Variants in PDCD6 observed in about 807,000 individuals in gnomAD.
The protein encoded by PDCD6 is programmed cell death 6.
In PDCD6, 12 loss-of-function variants were observed where a neutral mutation model predicts 28.3. The observed-to-expected ratio is 0.42, with a 90% CI of 0.27 to 0.69. The LOEUF is 0.69. PDCD6 is among the 30% of genes least tolerant of loss of function. PDCD6 has a pLI of 0.22. For missense variants in PDCD6, 226 were observed against 269.9 expected (o/e 0.84, Z 1.14); for synonymous variants, 92 against 108.0 (o/e 0.85, Z 0.92).
At chr5:281,554 G>T (rs1172740910) in intron 2 of PDCD6, among the ~76,000 whole-genome samples, 4 of 152,114 alleles carry the variant, frequency 2.6e-5, no homozygotes, top group Admixed American at 2.6e-4. Context: ...TCATGCAGAT[G>T]GAGATCTGTG....
Position 305,623 on chromosome 5 carries a change from C to G in PDCD6, c.209-979C>G, listed in dbSNP as rs1243147485. 1.3e-5 allele frequency: 2 copies of G among 152,266 alleles called. No individual in the cohort carries two copies. Among genetic ancestry groups the G allele is most frequent in the Non-Finnish European group, 2.9e-5 (2 of 68,060 alleles). 9.4% of individuals were successfully genotyped at this position (152,266 alleles called of 1,614,324 possible). A position where few individuals can be genotyped will look rare whatever the true frequency, so the allele number is the denominator to read the frequency against. ...GGTGCAGCTCACCCAGCATCCTTCC[C>G]TGCTGGTGTGTGGTGCGCAGTGGGT... On this transcript the variant is annotated intron_variant, in intron 3 of 5. Transcript: ENST00000264933. The surrounding 1 kb of genome is among the most constrained non-coding windows in gnomAD (Gnocchi z 4.0).
intron 2 of PDCD6, among the ~76,000 whole-genome samples, chr5:279,496 C>G (rs910734512): frequency 6.6e-6 from 1 of 152,172 alleles, no homozygotes; most frequent in Non-Finnish European, 1.5e-5. Context: ...CTAGATCAGC[C>G]TAAGCCCAGC....
chr5:275,439 G>A (rs1266559444), intron 2 of PDCD6, among the ~76,000 whole-genome samples: 10 of 152,206 alleles, frequency 6.6e-5, no homozygotes, highest in South Asian at 4.1e-4. Context: ...TGTGGTGGCC[G>A]TTCTGTTTTG....
chr5:299,940 A>G (rs1739948348), intron 2 of PDCD6, among the ~76,000 whole-genome samples: 2 of 152,168 alleles, frequency 1.3e-5, no homozygotes, highest in Admixed American at 1.3e-4. Context: ...AGACCTCAGA[A>G]GCAGTACAGT....
Position 277,415 on chromosome 5 carries a change from C to T in PDCD6, c.163+4643C>T, listed in dbSNP as rs1334950703. On this transcript the variant is annotated intron_variant, in intron 2 of 5. Coordinates refer to ENST00000264933, the MANE Select transcript of PDCD6 (RefSeq NM_013232.4). ...CTCCTGGGTTCATGCCATTCTCCTGCCTCAGCCTCCCGAGTAGCTGGGACT... is the reference window on the plus strand; with the variant it reads ...CTCCTGGGTTCATGCCATTCTCCTGTCTCAGCCTCCCGAGTAGCTGGGACT... Among the ~76,000 whole-genome samples, 7 of 151,564 alleles carry T rather than the reference C, an allele frequency of 4.6e-5. No individual in the cohort carries two copies. The East Asian group carries it at 1.4e-3, about 30-fold the overall frequency.
chr5:295,769 C>T (rs1428941239), intron 2 of PDCD6, among the ~76,000 whole-genome samples: 1 of 147,042 alleles, frequency 6.8e-6, no homozygotes, highest in African/African-American at 2.4e-5. Flanking sequence ...GTTCCAGATC[C>T]CGCTGCTCTC....
At chr5:278,336 C>G (rs1333805878) in intron 2 of PDCD6, among the ~76,000 whole-genome samples, 2 of 152,026 alleles carry the variant, frequency 1.3e-5, no homozygotes, top group Non-Finnish European at 2.9e-5. Context: ...TACCTGCCCA[C>G]ATTAAGCTCC....
chr5:290,396 C>A (rs1043243700), intron 2 of PDCD6: 8 of 798,742 alleles, frequency 1.0e-5, no homozygotes, highest in East Asian at 7.3e-5. Flanking sequence ...CCCCCCACCC[C>A]CCGACGTCCT....
chr5:288,311 T>TATATATACAC (rs34574011), intron 2 of PDCD6, among the ~76,000 whole-genome samples: 4 of 144,964 alleles, frequency 2.8e-5, no homozygotes, highest in African/African-American at 7.6e-5. Flanking sequence ...TATATATATA[T>TATATATACAC]ACACATATGT....
At chr5:302,206 TG>T (rs1740120729) in intron 2 of PDCD6, among the ~76,000 whole-genome samples, 1 of 132,334 alleles carries the variant, frequency 7.6e-6, no homozygotes, top group Non-Finnish European at 1.6e-5. Context: ...TGTGTGTGTG[TG>T]TGTGTATGCC....
chr5:297,296 A>G (rs1739680925), intron 2 of PDCD6, among the ~76,000 whole-genome samples: 1 of 152,246 alleles, frequency 6.6e-6, no homozygotes, highest in African/African-American at 2.4e-5. Context: ...CATGGGGGAG[A>G]GCGTAAGCGC....
chr5:288,101 G>A (rs1739088850), intron 2 of PDCD6, among the ~76,000 whole-genome samples: 1 of 151,780 alleles, frequency 6.6e-6, no homozygotes, highest in Non-Finnish European at 1.5e-5. Context: ...TGTTTAACCT[G>A]GTATTTCAAC....
chr5:290,755 G>A (rs1272397405), intron 2 of PDCD6, among the ~76,000 whole-genome samples: 1 of 152,234 alleles, frequency 6.6e-6, no homozygotes, highest in Non-Finnish European at 1.5e-5. Context: ...CCCTGTCCCA[G>A]CTGGTCCTGC....
rs534404737 is a variant in PDCD6, at chr5:285,166, A to T, written c.163+12394A>T. Among the ~76,000 whole-genome samples the T allele has an allele frequency of 2.0e-5, 3 of 149,872 alleles. No homozygotes were observed. The East Asian group carries it at 6.4e-4, about 32-fold the overall frequency. On this transcript the variant is annotated intron_variant, in intron 2 of 5. Transcript: ENST00000264933. Reference sequence around the variant, plus strand: ...GTGGGGGAGCTGATGTTGCAATTGGAGGGCCGTGCAGCTGGAGACCCAGAG... The same window carrying T: ...GTGGGGGAGCTGATGTTGCAATTGGTGGGCCGTGCAGCTGGAGACCCAGAG...
intron 2 of PDCD6, among the ~76,000 whole-genome samples, chr5:282,277 G>T (rs915772658): frequency 3.2e-4 from 45 of 139,920 alleles, no homozygotes; most frequent in East Asian, 1.9e-3. Flanking sequence ...AAAATCGGGG[G>T]GGGGGGAGCT....
chr5:309,501 C>T, intron 4 of PDCD6: 1 of 212,612 alleles, frequency 4.7e-6, no homozygotes, highest in Non-Finnish European at 9.5e-6. Context: ...GACTGGAGTT[C>T]CTCTGCCTCT....
rs190171596 is a variant in PDCD6, at chr5:277,379, G to A, written c.163+4607G>A. ...TGCGGTGGCACTATCTTGGCTCACT[G>A]CAAGCTCCGCCTCCTGGGTTCATGC... On this transcript the variant is annotated intron_variant, in intron 2 of 5. Coordinates refer to ENST00000264933, the MANE Select transcript of PDCD6 (RefSeq NM_013232.4). Among the ~76,000 whole-genome samples, 22 of 142,680 alleles carry A rather than the reference G, an allele frequency of 1.5e-4. No individual in the cohort carries two copies. In the East Asian group the frequency reaches 4.6e-3, roughly 30 times the overall value. 93.6% of individuals were successfully genotyped at this position (142,680 alleles called of 152,430 possible).
Position 307,448 on chromosome 5 carries a change from G to A in PDCD6, c.367+688G>A, listed in dbSNP as rs959514744. 5.9e-5 allele frequency among the ~76,000 whole-genome samples: 9 copies of A among 152,204 alleles called. No individual in the cohort carries two copies. Among genetic ancestry groups the A allele is most frequent in the Admixed American group, 2.6e-4 (4 of 15,284 alleles). Reference sequence around the variant, plus strand: ...CGCTCAGCGTGTGTGTGCTTGACGCGTGTGCACACACACATGTGACGGTGT... The same window carrying A: ...CGCTCAGCGTGTGTGTGCTTGACGCATGTGCACACACACATGTGACGGTGT... On this transcript the variant is annotated intron_variant, in intron 4 of 5. Coordinates refer to ENST00000264933, the MANE Select transcript of PDCD6 (RefSeq NM_013232.4). This position sits in a 1 kb window ranked among gnomAD's most constrained non-coding sequence, Gnocchi z 6.1.
At position 271,666 on chromosome 5, in the gene PDCD6, C is replaced by T. The variant is rs763448724; in HGVS notation, c.-55C>T. The T allele has an allele frequency of 2.5e-5, 26 of 1,039,494 alleles. No homozygotes were observed. The African/African-American group carries it at 2.7e-4, about 11-fold the overall frequency. The allele number at this position is 1,039,494 out of a possible 1,614,324, so 64.4% of individuals were successfully genotyped here. On this transcript the variant is annotated 5_prime_UTR_variant, in exon 1 of 6. Transcript: ENST00000264933. ...CCGGCAGAGGCGGAAGCGGAGTCGGCCTGAGAGGTCTCTCGTCGCTGCAGG... is the reference window on the plus strand; with the variant it reads ...CCGGCAGAGGCGGAAGCGGAGTCGGTCTGAGAGGTCTCTCGTCGCTGCAGG...
Sources: allele counts gnomAD v4.1 joint callset (sites outside exome capture counted in the v4.1 genomes callset), GRCh38; gene constraint gnomAD v4.1.1; non-coding constraint Gnocchi (gnomAD v3.1); transcripts MANE v1.5; gene names NCBI Gene and HGNC (gene_info 2026-07-23, HGNC 2026-07-21).